The following DPF3 variants were observed in gnomAD, a reference collection of about 807,000 sequenced individuals.
DPF3 encodes the protein zinc finger protein DPF3.
DPF3 carries 18 observed loss-of-function variants against 56.8 expected under a neutral mutation model. The ratio of observed to expected loss-of-function variants is 0.32; its 90% CI spans 0.22 to 0.47. The LOEUF is 0.47. Among genes scored for constraint, DPF3 ranks in the 20% least tolerant of loss-of-function variants. The pLI is 1.00. For synonymous variants in DPF3, 188 were observed against 180.2 expected (o/e 1.04, Z -0.35); for missense variants, 403 against 488.8 (o/e 0.82, Z 1.65).
intron 8 of DPF3, among the ~76,000 whole-genome samples, chr14:72,639,871 G>A (rs939098832): frequency 6.6e-6 from 1 of 151,894 alleles, no homozygotes; most frequent in East Asian, 1.9e-4. Context: ...TATATATAGA[G>A]AGAGAGACTC....
intron 1 of DPF3, among the ~76,000 whole-genome samples, chr14:72,823,021 T>A (rs1468154414): frequency 6.6e-6 from 1 of 152,142 alleles, no homozygotes; most frequent in African/African-American, 2.4e-5. Context: ...CCTTTTCTCA[T>A]CCCTATTGCA....
intron 3 of DPF3, among the ~76,000 whole-genome samples, chr14:72,737,054 C>T (rs974168306): frequency 5.3e-5 from 8 of 151,990 alleles, no homozygotes; most frequent in South Asian, 2.1e-4. Context: ...ACTTCCAGCA[C>T]GATCCATCAC....
chr14:72,617,282 G>A lies in DPF3; in HGVS notation c.*2015C>T, dbSNP rs1010559248. Among the ~76,000 whole-genome samples, 14 of 152,180 alleles carry A rather than the reference G, an allele frequency of 9.2e-5. No homozygotes were observed. The highest frequency in any genetic ancestry group is 5.9e-4 in the Admixed American group (9 of 15,284). ...ATTGTGGCACTTGGGAACATTTGGGGAACTTTTTTTTCTAAATTTAAATTA... is the reference window on the plus strand; with the variant it reads ...ATTGTGGCACTTGGGAACATTTGGGAAACTTTTTTTTCTAAATTTAAATTA... On this transcript the variant is annotated 3_prime_UTR_variant, in exon 11 of 11. Coordinates refer to ENST00000556509, the MANE Select transcript of DPF3 (RefSeq NM_001280542.3).
chr14:72,797,884 C>A (rs933584387), intron 1 of DPF3, among the ~76,000 whole-genome samples: 14 of 152,250 alleles, frequency 9.2e-5, no homozygotes, highest in African/African-American at 2.9e-4. Context: ...AAAAATTACC[C>A]TTCCCTGTCA....
At chr14:72,679,538 CG>C (rs1203520561) in intron 7 of DPF3, among the ~76,000 whole-genome samples, 1 of 152,132 alleles carries the variant, frequency 6.6e-6, no homozygotes, top group Non-Finnish European at 1.5e-5. Context: ...TTGGGGAATT[CG>C]GGGGCAGTGA....
chr14:72,769,058 A>G (rs1470488079), intron 2 of DPF3, among the ~76,000 whole-genome samples: 3 of 152,072 alleles, frequency 2.0e-5, no homozygotes, highest in Admixed American at 2.0e-4. Context: ...TAAGATACTT[A>G]AGTAAAAACT....
At chr14:72,884,971 T>TATATATATATATATATACATATATATATA (rs10523148) in intron 1 of DPF3, among the ~76,000 whole-genome samples, 1 of 111,686 alleles carries the variant, frequency 9.0e-6, no homozygotes, top group Non-Finnish European at 1.9e-5. Flanking sequence ...TATATATATA[T>TATATATATATATATATACATATATATATA]TAGCCGGGCG....
intron 4 of DPF3, among the ~76,000 whole-genome samples, chr14:72,724,710 T>TG (rs1491586826): frequency 9.3e-6 from 1 of 107,510 alleles, no homozygotes; most frequent in East Asian, 2.6e-4. Context: ...GGTTTTTGTT[T>TG]GTTTTTTTTT....
chr14:72,653,154 A>G (rs1885965791), intron 8 of DPF3, among the ~76,000 whole-genome samples: 1 of 152,230 alleles, frequency 6.6e-6, no homozygotes, highest in Non-Finnish European at 1.5e-5. Flanking sequence ...GTCTAGCCCT[A>G]TCACTTCTGC....
chr14:72,893,799 C>A (rs1388276937), intron 1 of DPF3, among the ~76,000 whole-genome samples: 2 of 152,222 alleles, frequency 1.3e-5, no homozygotes, highest in Non-Finnish European at 2.9e-5. Context: ...CGCCTGCAAC[C>A]CCTATATCTG....
In DPF3 at chr14:72,612,784, C is replaced by T. The variant is rs990353164; in HGVS notation, c.*6513G>A. 2.6e-4 allele frequency among the ~76,000 whole-genome samples: 39 copies of T among 152,176 alleles called. No homozygotes were observed. Among genetic ancestry groups the T allele is most frequent in the Admixed American group, 2.2e-3 (34 of 15,282 alleles). ...TTTCATGAAAAGAAGCATAGGTGAA[C>T]GAAGGGAAGAGAAGGAGAGAGGTCG... On this transcript the variant is annotated 3_prime_UTR_variant, in exon 11 of 11. Coordinates refer to ENST00000556509, the MANE Select transcript of DPF3 (RefSeq NM_001280542.3).
In DPF3 at chr14:72,769,678, C is replaced by CAAA. The variant is rs59586674; in HGVS notation, c.193+2052_193+2054dup. Reference sequence around the variant, plus strand: ...CTGGCTACTGAGTGAGACTCCATCTCAAAAAAAAAAAAAAAAAAAAACACA... The same window carrying CAAA: ...CTGGCTACTGAGTGAGACTCCATCTCAAAAAAAAAAAAAAAAAAAAAAAACACA... On this transcript the variant is annotated intron_variant, in intron 2 of 10. Transcript: ENST00000556509. 6.9e-3 allele frequency among the ~76,000 whole-genome samples: 296 copies of CAAA among 42,612 alleles called. 3 individuals are homozygous for CAAA. Among genetic ancestry groups the CAAA allele is most frequent in the African/African-American group, 0.019 (252 of 12,978 alleles). 28.0% of individuals were successfully genotyped at this position (42,612 alleles called of 152,430 possible).
intron 1 of DPF3, among the ~76,000 whole-genome samples, chr14:72,827,284 C>G (rs781782701): frequency 6.6e-6 from 1 of 152,122 alleles, no homozygotes. Context: ...CCCTCTCTGT[C>G]TTCAGCCCTA....
At chr14:72,893,374 C>A (rs1188292493) in intron 1 of DPF3, among the ~76,000 whole-genome samples, 2 of 152,170 alleles carry the variant, frequency 1.3e-5, no homozygotes, top group Non-Finnish European at 2.9e-5. Flanking sequence ...AGCAGACACA[C>A]GCTCGATCGC....
At chr14:72,863,966 C>T (rs1410266014) in intron 1 of DPF3, among the ~76,000 whole-genome samples, 1 of 152,142 alleles carries the variant, frequency 6.6e-6, no homozygotes, top group African/African-American at 2.4e-5. Flanking sequence ...GAAGCAAAGG[C>T]CTGGAGGTGG....
At chr14:72,691,289 T>C (rs977980317) in intron 7 of DPF3, among the ~76,000 whole-genome samples, 6 of 152,276 alleles carry the variant, frequency 3.9e-5, no homozygotes, top group African/African-American at 1.2e-4. Context: ...CACTCCCAAA[T>C]TCCTATGTTG....
At chr14:72,874,956 G>C (rs1886054161) in intron 1 of DPF3, among the ~76,000 whole-genome samples, 1 of 152,164 alleles carries the variant, frequency 6.6e-6, no homozygotes, top group Admixed American at 6.5e-5. Context: ...GTTTTAATTG[G>C]ACTTACAGTT....
intron 3 of DPF3, 143 bp from the exon 4 acceptor site, chr14:72,732,077 T>C (rs73302106): frequency 0.018 from 19,486 of 1,107,678 alleles, 775 homozygotes; most frequent in African/African-American, 0.14. Context: ...AGAGGAACAC[T>C]GGAGCCCTGT....
chr14:72,880,008 T>C, intron 1 of DPF3: 4 of 1,414,020 alleles, frequency 2.8e-6, no homozygotes, highest in Non-Finnish European at 3.7e-6. Context: ...GCCTGCACAC[T>C]AGACTGTGGT....
Sources: gnomAD v4.1 joint callset for allele counts (sites outside exome capture counted in the v4.1 genomes callset) on GRCh38, gnomAD v4.1.1 for gene constraint, MANE v1.5 for transcripts, NCBI Gene and HGNC (gene_info 2026-07-23, HGNC 2026-07-21) for gene names.